The following PCBP3 variants were observed in gnomAD, a reference collection of about 807,000 sequenced individuals.
The protein encoded by PCBP3 is poly(rC) binding protein 3.
In PCBP3, 25 loss-of-function variants were observed where a neutral mutation model predicts 52.7. That is an observed-to-expected ratio of 0.47 (90% CI 0.35 to 0.66). The LOEUF (loss-of-function observed/expected upper bound fraction) is 0.66, where lower values mean the gene tolerates loss of function less well. Ranked by LOEUF, PCBP3 falls within the 30% of genes least tolerant of loss-of-function variation. PCBP3 has a pLI of 0.01. For missense variants in PCBP3, 391 were observed against 490.3 expected, an observed-to-expected ratio of 0.80 and a Z score of 1.91; for synonymous variants, 162 against 183.0, an observed-to-expected ratio of 0.89 and a Z score of 0.93.
At chr21:45,812,603 T>A (rs1603440992) in intron 4 of PCBP3, among the ~76,000 whole-genome samples, 1 of 152,276 alleles carries the variant, frequency 6.6e-6, no homozygotes, top group South Asian at 2.1e-4. Context: ...GGTTTCACCG[T>A]GTTGGCCAGA....
intron 3 of PCBP3, among the ~76,000 whole-genome samples, chr21:45,747,188 G>A (rs2146221335): frequency 6.6e-6 from 1 of 152,312 alleles, no homozygotes; most frequent in South Asian, 2.1e-4. Flanking sequence ...GAGAGCATGT[G>A]CGAGGGAACT....
intron 5 of PCBP3, among the ~76,000 whole-genome samples, chr21:45,864,341 C>T (rs984361509): frequency 6.6e-6 from 1 of 152,176 alleles, no homozygotes; most frequent in South Asian, 2.1e-4. Flanking sequence ...TGCACTTTTG[C>T]AGCTTGGTGC....
chr21:45,660,778 C>T (rs1419092674), intron 1 of PCBP3, among the ~76,000 whole-genome samples: 1 of 152,152 alleles, frequency 6.6e-6, no homozygotes, highest in Non-Finnish European at 1.5e-5. Flanking sequence ...GTGGCTCACA[C>T]CTGTAAGCCC....
At chr21:45,691,096 T>C (rs978770797) in intron 2 of PCBP3, among the ~76,000 whole-genome samples, 4 of 151,998 alleles carry the variant, frequency 2.6e-5, no homozygotes, top group African/African-American at 4.8e-5. Context: ...TTTATAATAG[T>C]TAAAAGCTAG....
At position 45,805,802 on chromosome 21, in the gene PCBP3, C is replaced by T. The variant is rs183204639; in HGVS notation, c.-125-44159C>T. Among the ~76,000 whole-genome samples the T allele has an allele frequency of 3.2e-4, 48 of 152,122 alleles. No homozygotes were observed. Among genetic ancestry groups the T allele is most frequent in the Admixed American group, 7.9e-4 (12 of 15,276 alleles). ...CACTGGAGTGGTCCTGAGGAAAGCGCGCTCCTGTCTTTCTGTGGCAGCGAA... is the reference window on the plus strand; with the variant it reads ...CACTGGAGTGGTCCTGAGGAAAGCGTGCTCCTGTCTTTCTGTGGCAGCGAA... On this transcript the variant is annotated intron_variant, in intron 4 of 17. Transcript: ENST00000681687. This position sits in a 1 kb window ranked among gnomAD's most constrained non-coding sequence, Gnocchi z 4.6.
At chr21:45,649,300 C>T (rs958524390) in intron 1 of PCBP3, among the ~76,000 whole-genome samples, 1 of 152,184 alleles carries the variant, frequency 6.6e-6, no homozygotes, top group Non-Finnish European at 1.5e-5. Flanking sequence ...ATTCAATTAC[C>T]TGCTTACTGG....
In PCBP3 at chr21:45,654,797, GCAACTGT is replaced by G. The variant is rs1247416872; in HGVS notation, c.-279+10932_-279+10938del. 4.6e-5 allele frequency among the ~76,000 whole-genome samples: 7 copies of G among 152,168 alleles called. No homozygotes were observed. In the East Asian group the frequency reaches 1.2e-3, roughly 25 times the overall value. On this transcript the variant is annotated intron_variant, in intron 1 of 17. Coordinates refer to ENST00000681687, the MANE Select transcript of PCBP3 (RefSeq NM_001384156.1). ...TTTTTTGGTGTATTTTCAAGGTCATGCAACTGTCATTACTACATAATTCCAGAACATT... is the reference window on the plus strand; with the variant it reads ...TTTTTTGGTGTATTTTCAAGGTCATGCATTACTACATAATTCCAGAACATT...
chr21:45,688,279 A>G (rs888863399), intron 2 of PCBP3, among the ~76,000 whole-genome samples: 3 of 152,340 alleles, frequency 2.0e-5, no homozygotes, highest in Non-Finnish European at 4.4e-5. Context: ...TGAAGAATAC[A>G]AACTAATTTC....
At chr21:45,898,125 T>G (rs62211959) in intron 6 of PCBP3, among the ~76,000 whole-genome samples, 38,170 of 152,088 alleles carry the variant, frequency 0.25, 5,100 homozygotes, top group Middle Eastern at 0.36. Flanking sequence ...ACTGTGGGTG[T>G]CAGGAGCCAA....
At chr21:45,785,649 G>C (rs1425149540) in intron 4 of PCBP3, among the ~76,000 whole-genome samples, 5 of 152,186 alleles carry the variant, frequency 3.3e-5, no homozygotes, top group African/African-American at 1.2e-4. Flanking sequence ...ACAGCTCATT[G>C]AGAATGGGCC....
intron 5 of PCBP3, among the ~76,000 whole-genome samples, chr21:45,892,958 G>C (rs2095715314): frequency 6.6e-6 from 1 of 151,932 alleles, no homozygotes; most frequent in African/African-American, 2.4e-5. Flanking sequence ...GGAGTCCTGG[G>C]GAGGGGAGGG....
At chr21:45,662,575 T>TA (rs894309122) in intron 1 of PCBP3, among the ~76,000 whole-genome samples, 2 of 152,048 alleles carry the variant, frequency 1.3e-5, no homozygotes, top group African/African-American at 2.4e-5. Flanking sequence ...TAACAAGAGT[T>TA]ATACTAGATA....
chr21:45,784,742 C>T (rs1454135941), intron 4 of PCBP3, among the ~76,000 whole-genome samples: 2 of 152,382 alleles, frequency 1.3e-5, no homozygotes, highest in East Asian at 1.9e-4. Flanking sequence ...GGATTGCAGA[C>T]GGAGTCTCCT....
rs2085854121 is a variant in PCBP3, at chr21:45,736,130, G to C, written c.-162+701G>C. Among the ~76,000 whole-genome samples the C allele has an allele frequency of 6.6e-6, 1 of 152,240 alleles. No homozygotes were observed. The highest frequency in any genetic ancestry group is 1.5e-5 in the Non-Finnish European group (1 of 68,038). ...CAGTTCTGCATGGAAAACTAATGGA[G>C]TCATGATGGCTGCTGATGCTGATGA... On this transcript the variant is annotated intron_variant, in intron 3 of 17. Transcript: ENST00000681687. The surrounding 1 kb of genome is among the most constrained non-coding windows in gnomAD (Gnocchi z 4.6).
intron 2 of PCBP3, among the ~76,000 whole-genome samples, chr21:45,708,625 G>T (rs1226661910): frequency 6.6e-6 from 1 of 152,200 alleles, no homozygotes; most frequent in Non-Finnish European, 1.5e-5. Flanking sequence ...CATTTAAATA[G>T]AAAAAGAAAA....
At chr21:45,842,901 T>A (rs1462361652) in intron 4 of PCBP3, among the ~76,000 whole-genome samples, 1 of 152,208 alleles carries the variant, frequency 6.6e-6, no homozygotes, top group Non-Finnish European at 1.5e-5. Context: ...TATTCTCAGA[T>A]GCTTTCTGAC....
intron 5 of PCBP3, among the ~76,000 whole-genome samples, chr21:45,858,069 C>A (rs1412211895): frequency 6.6e-6 from 1 of 152,258 alleles, no homozygotes; most frequent in African/African-American, 2.4e-5. Context: ...CCCAGGGAGC[C>A]TCATGGACCT....
intron 5 of PCBP3, among the ~76,000 whole-genome samples, chr21:45,854,551 T>G (rs1174503967): frequency 2.0e-5 from 3 of 152,036 alleles, no homozygotes; most frequent in Non-Finnish European, 4.4e-5. Context: ...TAGTCTGCTG[T>G]CTTCAGGGTT....
At chr21:45,874,774 G>A (rs994263312) in intron 5 of PCBP3, among the ~76,000 whole-genome samples, 1 of 152,126 alleles carries the variant, frequency 6.6e-6, no homozygotes, top group Non-Finnish European at 1.5e-5. Flanking sequence ...GGCTGGTGTG[G>A]GGATGTGGAG....
Sources: gnomAD v4.1 joint callset for allele counts (sites outside exome capture counted in the v4.1 genomes callset) on GRCh38, gnomAD v4.1.1 for gene constraint, Gnocchi (gnomAD v3.1) non-coding constraint, MANE v1.5 for transcripts, NCBI Gene and HGNC (gene_info 2026-07-23, HGNC 2026-07-21) for gene names.